The following RGS7 variants were observed in gnomAD, a reference collection of about 807,000 sequenced individuals.
The protein encoded by RGS7 is regulator of G protein signaling 7.
RGS7 carries 27 observed loss-of-function variants against 81.1 expected under a neutral mutation model. The observed-to-expected ratio is 0.33, with a 90% confidence interval of 0.25 to 0.46. RGS7 has a LOEUF of 0.46. RGS7 is among the 20% of genes least tolerant of loss of function. RGS7 has a pLI of 1.00. For synonymous variants in RGS7, 208 were observed against 207.7 expected (o/e 1.00, Z -0.01); for missense variants, 396 against 607.4 (o/e 0.65, Z 3.66).
chr1:240,958,620 C>G (rs1010312609), intron 4 of RGS7, among the ~76,000 whole-genome samples: 3 of 152,186 alleles, frequency 2.0e-5, no homozygotes, highest in African/African-American at 7.2e-5. Flanking sequence ...TGAACTCACC[C>G]TGCCCAAGCC....
intron 2 of RGS7, among the ~76,000 whole-genome samples, chr1:241,217,802 G>A (rs1418985107): frequency 6.6e-6 from 1 of 152,208 alleles, no homozygotes; most frequent in Non-Finnish European, 1.5e-5. Context: ...CCATTCAAGA[G>A]CATTTAAACT....
At position 241,282,233 on chromosome 1, in the gene RGS7, A is replaced by G. The variant is rs755611611; in HGVS notation, c.78+73466T>C. Among the ~76,000 whole-genome samples the G allele has an allele frequency of 3.9e-4, 60 of 152,194 alleles. 1 individual carries two copies. Among genetic ancestry groups the G allele is most frequent in the Admixed American group, 9.2e-4 (14 of 15,274 alleles). On this transcript the variant is annotated intron_variant, in intron 2 of 18. Transcript: ENST00000440928. The stretch of plus-strand genomic sequence containing the variant: ...TACACCATGTTTAGCTCCCACTTAT[A>G]AAGGAGAATATGCAGTATTTTCTTT...
chr1:240,811,023 T>A (rs80001596), intron 14 of RGS7, among the ~76,000 whole-genome samples: 1 of 152,266 alleles, frequency 6.6e-6, no homozygotes, highest in South Asian at 2.1e-4. Flanking sequence ...TTCTGAATGG[T>A]TTGGGATTCC....
intron 7 of RGS7, among the ~76,000 whole-genome samples, chr1:240,869,415 C>A (rs1664069309): frequency 6.6e-6 from 1 of 152,198 alleles, no homozygotes; most frequent in Admixed American, 6.5e-5. Flanking sequence ...CACTCTTTCC[C>A]AGGGTAAATG....
intron 18 of RGS7, among the ~76,000 whole-genome samples, chr1:240,785,782 T>TC (rs2102988811): frequency 6.6e-6 from 1 of 152,312 alleles, no homozygotes; most frequent in South Asian, 2.1e-4. Flanking sequence ...GGCTAGGTGT[T>TC]AGGGAAGCTC....
chr1:240,794,462 C>A (rs1484915245), intron 18 of RGS7, among the ~76,000 whole-genome samples: 3 of 152,116 alleles, frequency 2.0e-5, no homozygotes, highest in South Asian at 2.1e-4. Context: ...GCCACCAGGT[C>A]AATTTTCTCT....
At chr1:241,113,658 C>T (rs982748288) in intron 2 of RGS7, among the ~76,000 whole-genome samples, 17 of 152,292 alleles carry the variant, frequency 1.1e-4, no homozygotes, top group Admixed American at 5.9e-4. Flanking sequence ...GAGCCATGTG[C>T]AAATCTCAGG....
At chr1:241,038,320 T>C (rs1403745023) in intron 3 of RGS7, among the ~76,000 whole-genome samples, 1 of 152,210 alleles carries the variant, frequency 6.6e-6, no homozygotes, top group Non-Finnish European at 1.5e-5. Flanking sequence ...TAGCAAATAG[T>C]ATCTTGGAGT....
At chr1:240,846,675 TC>T (rs1447944163) in intron 9 of RGS7, among the ~76,000 whole-genome samples, 6 of 152,172 alleles carry the variant, frequency 3.9e-5, no homozygotes, top group Non-Finnish European at 7.3e-5. Context: ...TGTGGTCCCC[TC>T]CCACACTGCA....
chr1:241,182,501 G>T (rs764141201), intron 2 of RGS7, among the ~76,000 whole-genome samples: 3 of 152,158 alleles, frequency 2.0e-5, no homozygotes, highest in Non-Finnish European at 4.4e-5. Flanking sequence ...TAATTCACAC[G>T]CTCAGGTGCC....
At chr1:240,838,065 T>C (rs1196606995) in intron 9 of RGS7, among the ~76,000 whole-genome samples, 1 of 152,210 alleles carries the variant, frequency 6.6e-6, no homozygotes, top group Non-Finnish European at 1.5e-5. Flanking sequence ...TGTCTTAGTC[T>C]CTTCAGACTT....
At chr1:241,235,441 T>C (rs1306855343) in intron 2 of RGS7, among the ~76,000 whole-genome samples, 1 of 152,218 alleles carries the variant, frequency 6.6e-6, no homozygotes, top group Non-Finnish European at 1.5e-5. Flanking sequence ...GGCAGCTCTG[T>C]TCCTGCCTGG....
chr1:241,292,455 C>T (rs896594034), intron 2 of RGS7, among the ~76,000 whole-genome samples: 1 of 152,152 alleles, frequency 6.6e-6, no homozygotes, highest in African/African-American at 2.4e-5. Context: ...AGCAATAGGG[C>T]GGCTTGTGTA....
intron 6 of RGS7, among the ~76,000 whole-genome samples, chr1:240,926,457 C>T (rs898893124): frequency 2.0e-5 from 3 of 152,056 alleles, no homozygotes; most frequent in Non-Finnish European, 2.9e-5. Context: ...TATAGATGTG[C>T]GGCTTTACTT....
chr1:241,249,098 A>G (rs1213556136), intron 2 of RGS7, among the ~76,000 whole-genome samples: 1 of 152,192 alleles, frequency 6.6e-6, no homozygotes, highest in Non-Finnish European at 1.5e-5. Flanking sequence ...GGTCTTCCAC[A>G]GAGCAAAAGT....
intron 3 of RGS7, among the ~76,000 whole-genome samples, chr1:241,087,806 G>A (rs2063536192): frequency 6.6e-6 from 1 of 151,756 alleles, no homozygotes; most frequent in Non-Finnish European, 1.5e-5. Flanking sequence ...AAAATTAGCT[G>A]GGCGTGGCAG....
chr1:241,328,852 T>C lies in RGS7; in HGVS notation c.78+26847A>G, dbSNP rs186952691. ...AGTGGGGTCATTTCATTTATGAAAATACTCTGGAAACAAAGTTGATGCTCA... is the reference window on the plus strand; with the variant it reads ...AGTGGGGTCATTTCATTTATGAAAACACTCTGGAAACAAAGTTGATGCTCA... On this transcript the variant is annotated intron_variant, in intron 2 of 18. Transcript: ENST00000440928. Among the ~76,000 whole-genome samples the C allele has an allele frequency of 3.3e-5, 5 of 152,336 alleles. No individual in the cohort carries two copies. In the East Asian group the frequency reaches 7.7e-4, roughly 23 times the overall value.
At chr1:241,226,081 A>T (rs1198170516) in intron 2 of RGS7, among the ~76,000 whole-genome samples, 1 of 152,212 alleles carries the variant, frequency 6.6e-6, no homozygotes, top group Non-Finnish European at 1.5e-5. Context: ...ATCGTAAACC[A>T]AGAGTGATGG....
intron 3 of RGS7, 85 bp from the exon 4 acceptor site, chr1:240,983,214 C>T: frequency 4.2e-6 from 3 of 715,360 alleles, no homozygotes; most frequent in East Asian, 2.7e-5. Flanking sequence ...ACCTTTGGTG[C>T]TCATATTAGA....
Sources: allele counts gnomAD v4.1 joint callset (sites outside exome capture counted in the v4.1 genomes callset), GRCh38; gene constraint gnomAD v4.1.1; transcripts MANE v1.5; gene names NCBI Gene and HGNC (gene_info 2026-07-23, HGNC 2026-07-21).